TRPM3: variants seen among roughly 807,000 people sequenced by gnomAD.
TRPM3 encodes the protein long transient receptor potential channel 3.
In TRPM3, 77 loss-of-function variants were observed where a neutral mutation model predicts 181.2. That is an observed-to-expected ratio of 0.42 (90% confidence interval 0.35 to 0.51). The LOEUF (loss-of-function observed/expected upper bound fraction) is 0.51, where lower values mean the gene tolerates loss of function less well. Among genes scored for constraint, TRPM3 ranks in the 20% least tolerant of loss-of-function variants. The pLI is 0.01. For synonymous variants in TRPM3, 745 were observed against 796.4 expected (o/e 0.94, Z 1.09); for missense variants, 1,759 against 2,196.7 (o/e 0.80, Z 3.98).
In TRPM3 at chr9:71,025,319, G is replaced by A. The variant is rs377402113; in HGVS notation, c.177+95859C>T. Among the ~76,000 whole-genome samples the A allele has an allele frequency of 1.1e-3, 163 of 152,258 alleles. 1 individual carries two copies. Among genetic ancestry groups the A allele is most frequent in the Non-Finnish European group, 1.3e-3 (90 of 68,032 alleles). ...ATCTACAGACTCGTTCTGCTTCTCC[G>A]AGTGGTGCAGAAGTAGCTAGCTACT... On this transcript the variant is annotated intron_variant, in intron 1 of 25. Coordinates refer to ENST00000677713, the MANE Select transcript of TRPM3 (RefSeq NM_001366145.2).
At chr9:70,828,089 C>A in intron 5 of TRPM3, 71 bp from the exon 6 acceptor site, 1 of 1,445,804 alleles carries the variant, frequency 6.9e-7, no homozygotes, top group Admixed American at 1.9e-5. Flanking sequence ...GAGAATCAGA[C>A]AGAGGAAAGA....
At chr9:71,001,810 A>G (rs917600568) in intron 1 of TRPM3, among the ~76,000 whole-genome samples, 1 of 152,230 alleles carries the variant, frequency 6.6e-6, no homozygotes, top group Admixed American at 6.5e-5. Context: ...GGTGGTAGCA[A>G]CTTGGAACTT....
At chr9:70,742,501 C>T (rs1362891841) in intron 8 of TRPM3, among the ~76,000 whole-genome samples, 2 of 152,074 alleles carry the variant, frequency 1.3e-5, no homozygotes, top group South Asian at 2.1e-4. Flanking sequence ...TATCCTCCAG[C>T]GGTATAGAAC....
intron 9 of TRPM3, among the ~76,000 whole-genome samples, chr9:70,650,520 A>AT (rs1009267412): frequency 1.2e-4 from 19 of 152,136 alleles, no homozygotes; most frequent in African/African-American, 4.1e-4. Flanking sequence ...CAAGTTTAAT[A>AT]TTTTTTAAAA....
intron 8 of TRPM3, among the ~76,000 whole-genome samples, chr9:70,744,329 C>A (rs77491905): frequency 1.1e-3 from 161 of 142,574 alleles, no homozygotes; most frequent in African/African-American, 1.1e-3. Flanking sequence ...ATCTCTGTCT[C>A]AAAAAAAAAA....
intron 1 of TRPM3, among the ~76,000 whole-genome samples, chr9:71,152,216 A>G (rs1464585151): frequency 2.6e-5 from 4 of 152,116 alleles, no homozygotes; most frequent in African/African-American, 9.7e-5. Flanking sequence ...GATTTACTGC[A>G]TAGTAACTTA....
At chr9:70,931,888 C>T (rs2096778578) in intron 1 of TRPM3, among the ~76,000 whole-genome samples, 1 of 152,164 alleles carries the variant, frequency 6.6e-6, no homozygotes, top group Admixed American at 6.5e-5. Flanking sequence ...CATTCTCTGG[C>T]ATTTGTTGCT....
chr9:70,938,889 C>A (rs2096856333), intron 1 of TRPM3, among the ~76,000 whole-genome samples: 1 of 151,050 alleles, frequency 6.6e-6, no homozygotes, highest in African/African-American at 2.4e-5. Flanking sequence ...ACCTGGGAGG[C>A]AGAGCTTGCA....
At chr9:71,071,541 A>G (rs1384341656) in intron 1 of TRPM3, among the ~76,000 whole-genome samples, 1 of 152,214 alleles carries the variant, frequency 6.6e-6, no homozygotes, top group Non-Finnish European at 1.5e-5. Flanking sequence ...AACTGCCCAG[A>G]AAATCAAGAA....
chr9:71,259,353 ATACATG>A (rs1700148914), intron 1 of TRPM3, among the ~76,000 whole-genome samples: 3 of 152,218 alleles, frequency 2.0e-5, no homozygotes, highest in African/African-American at 7.2e-5. Context: ...TTCAATAAAC[ATACATG>A]TACATGTGTC....
At chr9:70,617,676 T>C (rs1407292628) in intron 17 of TRPM3, among the ~76,000 whole-genome samples, 1 of 152,098 alleles carries the variant, frequency 6.6e-6, no homozygotes, top group South Asian at 2.1e-4. Context: ...CAAAACATCA[T>C]GTTGTGGCTG....
chr9:71,289,751 C>G (rs1301842952), intron 1 of TRPM3, among the ~76,000 whole-genome samples: 1 of 151,422 alleles, frequency 6.6e-6, no homozygotes, highest in East Asian at 1.9e-4. Context: ...GCTTGTAATC[C>G]CAGCTACTCG....
Position 70,597,919 on chromosome 9 carries a change from T to C in TRPM3, c.3048+500A>G, listed in dbSNP as rs375916919. 1.3e-4 allele frequency among the ~76,000 whole-genome samples: 20 copies of C among 149,806 alleles called. 2 individuals carry two copies. Among genetic ancestry groups the C allele is most frequent in the Admixed American group, 6.0e-4 (9 of 15,012 alleles). On this transcript the variant is annotated intron_variant, in intron 21 of 25. Transcript: ENST00000677713. ...ATTTTTCTAGAACTTTATTTAAAAA[T>C]ACAGGATCTTCAAAAAATCTGTTAA...
At chr9:71,236,544 C>T (rs1422742766) in intron 1 of TRPM3, among the ~76,000 whole-genome samples, 1 of 152,082 alleles carries the variant, frequency 6.6e-6, no homozygotes, top group African/African-American at 2.4e-5. Flanking sequence ...CTATGCATAC[C>T]TCCTCAGCTG....
intron 9 of TRPM3, among the ~76,000 whole-genome samples, chr9:70,646,021 A>G (rs1260845101): frequency 6.6e-6 from 1 of 152,266 alleles, no homozygotes; most frequent in East Asian, 1.9e-4. Flanking sequence ...TCAAAACCAC[A>G]ATGAGATAAC....
intron 1 of TRPM3, among the ~76,000 whole-genome samples, chr9:70,883,979 T>C (rs1225517858): frequency 1.3e-5 from 2 of 152,122 alleles, no homozygotes; most frequent in Non-Finnish European, 2.9e-5. Flanking sequence ...CTAGGAGTTA[T>C]TTTGCATTTG....
At chr9:70,891,575 A>C (rs560983280) in intron 1 of TRPM3, among the ~76,000 whole-genome samples, 15 of 152,284 alleles carry the variant, frequency 9.9e-5, no homozygotes, top group Non-Finnish European at 2.1e-4. Context: ...CTATCATAAA[A>C]CTATGTAATA....
intron 1 of TRPM3, among the ~76,000 whole-genome samples, chr9:71,363,155 A>G (rs1005095958): frequency 2.6e-5 from 4 of 152,236 alleles, no homozygotes; most frequent in African/African-American, 9.6e-5. Flanking sequence ...TTGGAACCCA[A>G]CAAATTACTA....
chr9:71,209,920 G>C (rs772591714), intron 1 of TRPM3, among the ~76,000 whole-genome samples: 2 of 152,168 alleles, frequency 1.3e-5, no homozygotes, highest in Non-Finnish European at 2.9e-5. Context: ...GGCACACAAA[G>C]CCTAAAATAC....
Sources: gnomAD v4.1 joint callset for allele counts (sites outside exome capture counted in the v4.1 genomes callset) on GRCh38, gnomAD v4.1.1 for gene constraint, MANE v1.5 for transcripts, NCBI Gene and HGNC (gene_info 2026-07-23, HGNC 2026-07-21) for gene names.